The following TPX2 variants were observed in gnomAD, a reference collection of about 807,000 sequenced individuals.
The protein encoded by TPX2 is targeting protein for Xklp2.
TPX2 carries 21 observed loss-of-function variants against 93.6 expected under a neutral mutation model. The ratio of observed to expected loss-of-function variants is 0.22; its 90% CI spans 0.16 to 0.32. The LOEUF is 0.32. Ranked by LOEUF, TPX2 falls within the 10% of genes least tolerant of loss-of-function variation. The pLI is 1.00. For missense variants in TPX2, 776 were observed against 871.1 expected (o/e 0.89, Z 1.37); for synonymous variants, 281 against 298.3 (o/e 0.94, Z 0.60).
intron 1 of TPX2, among the ~76,000 whole-genome samples, chr20:31,740,182 A>G (rs2061745748): frequency 6.6e-6 from 1 of 152,178 alleles, no homozygotes. Context: ...CTGGTTTTCC[A>G]CATATAATTT....
At chr20:31,769,227 A>C (rs952042182) in intron 5 of TPX2, among the ~76,000 whole-genome samples, 4 of 151,894 alleles carry the variant, frequency 2.6e-5, no homozygotes, top group African/African-American at 9.7e-5. Context: ...AAAACCACAA[A>C]ATTTTTTGTT....
chr20:31,770,553 C>T (rs2061959116), intron 6 of TPX2, 82 bp downstream of exon 6: 1 of 1,273,640 alleles, frequency 7.9e-7, no homozygotes, highest in Admixed American at 2.8e-5. Flanking sequence ...TCTGAATTTA[C>T]ACTTTAGATT....
At chr20:31,773,301 G>T (rs1306967835) in intron 7 of TPX2, among the ~76,000 whole-genome samples, 1 of 152,078 alleles carries the variant, frequency 6.6e-6, no homozygotes, top group Admixed American at 6.5e-5. Context: ...ACAGGCACCT[G>T]CCACCACACC....
intron 13 of TPX2, among the ~76,000 whole-genome samples, chr20:31,793,410 T>C (rs2062115329): frequency 6.6e-6 from 1 of 152,188 alleles, no homozygotes; most frequent in Non-Finnish European, 1.5e-5. Flanking sequence ...CATTTGAAAC[T>C]AAAATACGCA....
Position 31,778,763 on chromosome 20 carries a change from G to GTGA in TPX2, c.883-49_883-47dup. 7.4e-6 allele frequency: 11 copies of GTGA among 1,487,950 alleles called. No individual in the cohort carries two copies. In the Middle Eastern group the frequency reaches 2.0e-3, roughly 269 times the overall value. 92.2% of individuals were successfully genotyped at this position (1,487,950 alleles called of 1,614,324 possible). ...GCCGAATATGTGGCTTATGGTAGAT[G>GTGA]TGAGCTCTTCCGTGACATTTCATTT... is the stretch of plus-strand genomic sequence containing the variant. On this transcript the variant is annotated intron_variant, in intron 9 of 17. Coordinates refer to ENST00000300403, the MANE Select transcript of TPX2 (RefSeq NM_012112.5).
intron 5 of TPX2, among the ~76,000 whole-genome samples, chr20:31,768,857 A>G (rs1017421448): frequency 6.6e-6 from 1 of 152,242 alleles, no homozygotes; most frequent in Non-Finnish European, 1.5e-5. Context: ...AGTTTCACTG[A>G]TCATCAGAGA....
rs540254821 is a variant in TPX2, at chr20:31,773,674, T to A, written c.608+1992T>A. 1.1e-4 allele frequency among the ~76,000 whole-genome samples: 16 copies of A among 152,328 alleles called. No individual in the cohort carries two copies. The South Asian group carries it at 3.3e-3, about 32-fold the overall frequency. On this transcript the variant is annotated intron_variant, in intron 7 of 17. Coordinates refer to ENST00000300403, the MANE Select transcript of TPX2 (RefSeq NM_012112.5). ...TTATTAACTTATAAAATTGTTTCTTTTTTTAAATTCATATAGATGGCATGA... is the reference window on the plus strand; with the variant it reads ...TTATTAACTTATAAAATTGTTTCTTATTTTAAATTCATATAGATGGCATGA...
intron 3 of TPX2, 94 bp from the exon 4 acceptor site, chr20:31,759,963 C>T: frequency 1.3e-6 from 2 of 1,528,050 alleles, no homozygotes; most frequent in Non-Finnish European, 1.8e-6. Flanking sequence ...TGGAAGTGTA[C>T]TGGTAGGGAG....
At chr20:31,798,230 T>C (rs1394249901) in intron 16 of TPX2, 135 bp from the exon 17 acceptor site, 1 of 1,101,124 alleles carries the variant, frequency 9.1e-7, no homozygotes, top group Non-Finnish European at 1.3e-6. Context: ...TGGCTCTACC[T>C]TTCTCCCAAT....
At chr20:31,743,569 A>T (rs764280715) in intron 2 of TPX2, among the ~76,000 whole-genome samples, 4 of 151,738 alleles carry the variant, frequency 2.6e-5, no homozygotes, top group Non-Finnish European at 5.9e-5. Flanking sequence ...GGTGGCACCT[A>T]CTTGTAGTCC....
intron 12 of TPX2, among the ~76,000 whole-genome samples, chr20:31,790,358 C>T (rs1422500420): frequency 1.3e-5 from 2 of 152,180 alleles, no homozygotes; most frequent in Non-Finnish European, 1.5e-5. Flanking sequence ...TTTGGAAAAG[C>T]CATGCATCTT....
At chr20:31,742,249 C>T (rs1412295131) in intron 1 of TPX2, among the ~76,000 whole-genome samples, 1 of 147,710 alleles carries the variant, frequency 6.8e-6, no homozygotes, top group East Asian at 2.0e-4. Context: ...GCAATCTTGG[C>T]TCACTGAAGC....
At chr20:31,794,753 A>G (rs2062124931) in intron 15 of TPX2, among the ~76,000 whole-genome samples, 1 of 135,420 alleles carries the variant, frequency 7.4e-6, no homozygotes, top group Admixed American at 7.3e-5. Context: ...TCTCTGTCGC[A>G]TAGTGTGTGT....
At chr20:31,745,932 T>C (rs1375893907) in intron 2 of TPX2, among the ~76,000 whole-genome samples, 1 of 152,222 alleles carries the variant, frequency 6.6e-6, no homozygotes, top group Non-Finnish European at 1.5e-5. Context: ...TATGGTTTGT[T>C]GAGTTCTATG....
At chr20:31,786,409 T>TTTTTTTTTTTTTTTTTTTTGTTTTTTG (rs1568602729) in intron 12 of TPX2, among the ~76,000 whole-genome samples, 1 of 146,930 alleles carries the variant, frequency 6.8e-6, no homozygotes. Flanking sequence ...TGTTTTTTTT[T>TTTTTTTTTTTTTTTTTTTTGTTTTTTG]TTTTTTGAGA....
intron 15 of TPX2, among the ~76,000 whole-genome samples, chr20:31,795,240 T>C (rs190780433): frequency 6.6e-6 from 1 of 152,114 alleles, no homozygotes; most frequent in Non-Finnish European, 1.5e-5. Flanking sequence ...TTCAAGTGAT[T>C]CTCCCACCTC....
intron 4 of TPX2, 137 bp downstream of exon 4, chr20:31,760,316 A>T (rs2061881542): frequency 1.7e-6 from 2 of 1,166,760 alleles, no homozygotes; most frequent in African/African-American, 1.6e-5. Context: ...TCATTTCATG[A>T]TAAATGTAAA....
At position 31,801,004 on chromosome 20, in the gene TPX2, G is replaced by T; in HGVS notation, c.2168G>T (p.Gly723Val). 1.2e-6 allele frequency: 2 copies of T among 1,614,182 alleles called. No individual in the cohort carries two copies. The highest frequency in any genetic ancestry group is 1.3e-5 in the African/African-American group (1 of 75,036). The change falls in exon 18 of 18, where the codon GGT becomes GTT. Residue 723 changes from glycine (G) to valine (V), a missense_variant. Gly to Val is a moderately radical substitution (Grantham distance 109). Coordinates refer to ENST00000300403, the MANE Select transcript of TPX2 (RefSeq NM_012112.5). ...GCAAATCCAATACGCAAGTACCAGGGTCTGGAGATAAAGTCAAGTGACCAG... is the reference window on the plus strand; with the variant it reads ...GCAAATCCAATACGCAAGTACCAGGTTCTGGAGATAAAGTCAAGTGACCAG... The part of the protein sequence containing the change: ...HKANPIRKYQ[G>V]LEIKSSDQPL...
In TPX2 at chr20:31,801,346, G is replaced by A. The variant is rs544846924; in HGVS notation, c.*266G>A. 7.3e-5 allele frequency: 27 copies of A among 368,108 alleles called. No homozygotes were observed. Among genetic ancestry groups the A allele is most frequent in the African/African-American group, 4.7e-4 (23 of 48,708 alleles). The allele number at this position is 368,108 out of a possible 1,614,324, so 22.8% of individuals were successfully genotyped here. ...AGTTACTTCCTTTAAACCATCAGCC[G>A]GCCTTTTATATGGGTCTTCACTCTG... On this transcript the variant is annotated 3_prime_UTR_variant, in exon 18 of 18. Coordinates refer to ENST00000300403, the MANE Select transcript of TPX2 (RefSeq NM_012112.5).
Sources: gnomAD v4.1 joint callset for allele counts (sites outside exome capture counted in the v4.1 genomes callset) on GRCh38, gnomAD v4.1.1 for gene constraint, MANE v1.5 for transcripts, NCBI Gene and HGNC (gene_info 2026-07-23, HGNC 2026-07-21) for gene names.